The following EEFSEC variants were observed in gnomAD, a reference collection of about 807,000 sequenced individuals.
EEFSEC encodes the protein selenocysteine-specific elongation factor.
A neutral mutation model predicts 42.1 loss-of-function variants in EEFSEC; 43 were observed. The observed-to-expected ratio is 1.02, with a 90% CI of 0.80 to 1.32. EEFSEC has a LOEUF of 1.32. Among genes scored for constraint, EEFSEC ranks in the 40% most tolerant of loss-of-function variants. The probability of loss-of-function intolerance (pLI) is 0.00; values close to 1 mark genes in which losing one functional copy is unlikely to be tolerated. For synonymous variants in EEFSEC, 354 were observed against 339.1 expected (o/e 1.04, Z -0.48); for missense variants, 745 against 803.6 (o/e 0.93, Z 0.88).
chr3:128,366,731 C>T (rs1474939613), intron 6 of EEFSEC, among the ~76,000 whole-genome samples: 4 of 152,176 alleles, frequency 2.6e-5, no homozygotes, highest in Admixed American at 6.5e-5. Context: ...AGTCCCTGCA[C>T]CCCGGGAGTT....
intron 4 of EEFSEC, among the ~76,000 whole-genome samples, chr3:128,331,964 A>G (rs539134513): frequency 6.6e-6 from 1 of 152,314 alleles, no homozygotes; most frequent in South Asian, 2.1e-4. Context: ...AACCCTATGT[A>G]TATATACAAT....
chr3:128,270,023 A>G (rs1032400394), intron 4 of EEFSEC, among the ~76,000 whole-genome samples: 1 of 152,218 alleles, frequency 6.6e-6, no homozygotes, highest in Admixed American at 6.5e-5. Flanking sequence ...GTCCACAGGC[A>G]AGTCAGTCAA....
At position 128,235,279 on chromosome 3, in the gene EEFSEC, G is replaced by A. The variant is rs187231213; in HGVS notation, c.317-11557G>A. Among the ~76,000 whole-genome samples, 352 of 151,496 alleles carry A rather than the reference G, an allele frequency of 2.3e-3. 8 individuals carry two copies. Among genetic ancestry groups the A allele is most frequent in the Admixed American group, 0.02 (301 of 15,212 alleles). Reference sequence around the variant, plus strand: ...AGATGGGGTCTCTCCATGTTGCCCAGGCTGGTCTTGAACTCCTGGGCTCAA... The same window carrying A: ...AGATGGGGTCTCTCCATGTTGCCCAAGCTGGTCTTGAACTCCTGGGCTCAA... On this transcript the variant is annotated intron_variant, in intron 1 of 6. Coordinates refer to ENST00000254730, the MANE Select transcript of EEFSEC (RefSeq NM_021937.5).
intron 6 of EEFSEC, among the ~76,000 whole-genome samples, chr3:128,382,027 G>A (rs1282677283): frequency 6.6e-6 from 1 of 152,144 alleles, no homozygotes; most frequent in Non-Finnish European, 1.5e-5. Context: ...GCCCGAATGT[G>A]GTTCTGTGAA....
the EEFSEC span, among the ~76,000 whole-genome samples, chr3:128,413,715 A>T: frequency 2.8e-4 from 42 of 152,240 alleles, no homozygotes; most frequent in African/African-American, 1.0e-3. Context: ...CTGGGAGCCC[A>T]GGCTGACCTG....
intron 4 of EEFSEC, among the ~76,000 whole-genome samples, chr3:128,285,637 G>A (rs1449254487): frequency 6.6e-6 from 1 of 152,126 alleles, no homozygotes; most frequent in Non-Finnish European, 1.5e-5. Flanking sequence ...TCCCCAATCT[G>A]TAGTTGTTTT....
chr3:128,369,266 T>C (rs916425596), intron 6 of EEFSEC, among the ~76,000 whole-genome samples: 3 of 152,242 alleles, frequency 2.0e-5, no homozygotes, highest in Non-Finnish European at 4.4e-5. Flanking sequence ...CAGGACACGA[T>C]GAGCCCTGAG....
intron 4 of EEFSEC, among the ~76,000 whole-genome samples, chr3:128,269,099 G>A (rs1423523565): frequency 6.6e-6 from 1 of 152,216 alleles, no homozygotes; most frequent in Non-Finnish European, 1.5e-5. Flanking sequence ...GGCCAGCACT[G>A]CCCGTTCCTT....
In EEFSEC at chr3:128,247,058, G is replaced by C; in HGVS notation, c.524+15G>C. 1 of 1,613,254 alleles carries C rather than the reference G, an allele frequency of 6.2e-7. No homozygotes were observed. Among genetic ancestry groups the C allele is most frequent in the South Asian group, 1.1e-5 (1 of 91,044 alleles). On this transcript the variant is annotated intron_variant, in intron 2 of 6. Coordinates refer to ENST00000254730, the MANE Select transcript of EEFSEC (RefSeq NM_021937.5). The stretch of plus-strand genomic sequence containing the variant: ...GAGAACACCAAGTAGGTCTGCTAAT[G>C]AGAGCAATGTTCACTGCATAAGAAG...
At chr3:128,331,498 A>G (rs551108514) in intron 4 of EEFSEC, among the ~76,000 whole-genome samples, 18 of 128,912 alleles carry the variant, frequency 1.4e-4, no homozygotes, top group East Asian at 7.4e-4. Context: ...CACTTCCTCA[A>G]TGCATCTCCC....
intron 6 of EEFSEC, among the ~76,000 whole-genome samples, chr3:128,405,657 A>T (rs1027533077): frequency 1.3e-5 from 2 of 152,262 alleles, no homozygotes; most frequent in African/African-American, 4.8e-5. Flanking sequence ...CTGAAGCTTG[A>T]TGTGCGAGCC....
chr3:128,164,091 G>C (rs147417783), intron 1 of EEFSEC, among the ~76,000 whole-genome samples: 197 of 152,288 alleles, frequency 1.3e-3, no homozygotes, highest in East Asian at 0.011. Flanking sequence ...CTGGCCCATG[G>C]AGACATTTGG....
intron 5 of EEFSEC, among the ~76,000 whole-genome samples, chr3:128,355,430 C>T (rs139558609): frequency 3.4e-4 from 51 of 151,716 alleles, no homozygotes; most frequent in Admixed American, 9.2e-4. Flanking sequence ...ACCACACAGG[C>T]GGGGAGGGAG....
chr3:128,351,243 T>C (rs1364246395), intron 5 of EEFSEC, among the ~76,000 whole-genome samples: 1 of 152,226 alleles, frequency 6.6e-6, no homozygotes, highest in African/African-American at 2.4e-5. Flanking sequence ...TCTGTGCATC[T>C]GAGATCTCCT....
At position 128,271,181 on chromosome 3, in the gene EEFSEC, G is replaced by A. The variant is rs555526275; in HGVS notation, c.786+6400G>A. ...GCCCCCCACTTCCTGCTGGGGCTGT[G>A]CCCCTGTCTTCAAGGCTGCATCCTG... is the stretch of plus-strand genomic sequence containing the variant. On this transcript the variant is annotated intron_variant, in intron 4 of 6. Coordinates refer to ENST00000254730, the MANE Select transcript of EEFSEC (RefSeq NM_021937.5). 3.3e-5 allele frequency among the ~76,000 whole-genome samples: 5 copies of A among 152,272 alleles called. No individual in the cohort carries two copies. In the East Asian group the frequency reaches 5.8e-4, roughly 18 times the overall value.
chr3:128,396,381 T>A (rs1015977178), intron 6 of EEFSEC, among the ~76,000 whole-genome samples: 3 of 152,102 alleles, frequency 2.0e-5, no homozygotes, highest in Non-Finnish European at 4.4e-5. Flanking sequence ...TCAATTTGTG[T>A]CCCTGGGCCT....
rs1463048460 is a variant in EEFSEC at position 128,233,746 on chromosome 3, T to C, written c.317-13090T>C. 2.0e-5 allele frequency among the ~76,000 whole-genome samples: 3 copies of C among 152,178 alleles called. No homozygotes were observed. In the East Asian group the frequency reaches 5.8e-4, roughly 29 times the overall value. ...CTTAGACTCTGGCAGACAGGCGATA[T>C]TGCTTAGTATCATGGTACAAGTTCT... On this transcript the variant is annotated intron_variant, in intron 1 of 6. Transcript: ENST00000254730.
At chr3:128,280,158 A>C (rs116726962) in intron 4 of EEFSEC, among the ~76,000 whole-genome samples, 1 of 152,244 alleles carries the variant, frequency 6.6e-6, no homozygotes, top group African/African-American at 2.4e-5. Context: ...AACTGTCTGC[A>C]TATGTTTGTA....
intron 1 of EEFSEC, among the ~76,000 whole-genome samples, chr3:128,166,391 G>A (rs888587773): frequency 3.3e-5 from 5 of 152,250 alleles, no homozygotes; most frequent in Admixed American, 6.5e-5. Flanking sequence ...CCTCATGGCT[G>A]TTGGAGCACT....
Sources: gnomAD v4.1 joint callset for allele counts (sites outside exome capture counted in the v4.1 genomes callset) on GRCh38, gnomAD v4.1.1 for gene constraint, MANE v1.5 for transcripts, NCBI Gene and HGNC (gene_info 2026-07-23, HGNC 2026-07-21) for gene names.